Variants in FRG1 observed in about 807,000 individuals in gnomAD.
FRG1 encodes the protein protein FRG1.
Under a neutral mutation model 37.0 loss-of-function variants are expected in FRG1, and 19 were observed. The ratio of observed to expected loss-of-function variants is 0.51; its 90% CI spans 0.36 to 0.75. The LOEUF (loss-of-function observed/expected upper bound fraction) is 0.75. Among genes scored for constraint, FRG1 ranks in the 30% least tolerant of loss-of-function variants. The probability of loss-of-function intolerance (pLI) is 0.00; values close to 1 mark genes in which losing one functional copy is unlikely to be tolerated. For synonymous variants in FRG1, 73 were observed against 96.5 expected (o/e 0.76, Z 1.43); for missense variants, 243 against 301.4 (o/e 0.81, Z 1.44).
intron 5 of FRG1, among the ~76,000 whole-genome samples, chr4:189,956,778 A>G (rs558044000): frequency 1.3e-5 from 2 of 152,386 alleles, no homozygotes; most frequent in African/African-American, 4.8e-5. Context: ...AATAAACATT[A>G]TATTTGTTAA....
chr4:189,943,515 A>G (rs1343197257), intron 2 of FRG1, among the ~76,000 whole-genome samples: 2 of 152,230 alleles, frequency 1.3e-5, no homozygotes, highest in African/African-American at 4.8e-5. Flanking sequence ...AGACTGCTTA[A>G]TAGCCAGAGA....
chr4:189,952,187 T>C lies in FRG1; in HGVS notation c.159T>C (p.Phe53=), dbSNP rs769875220. ...IVGIWWTVTN[F]GEISGTIAIE... ...GAATCTGGTGGACAGTAACAAACTT[T>C]GGTGAAATTTCAGGAACCATAGCCA... Residue 53 remains phenylalanine (F), a synonymous_variant, in exon 3 of 9, where the codon TTT becomes TTC. Transcript: ENST00000226798. 4.4e-6 allele frequency: 7 copies of C among 1,598,424 alleles called. No individual in the cohort carries two copies. In the East Asian group the frequency reaches 9.0e-5, roughly 20 times the overall value.
chr4:189,954,609 T>A (rs1478570054), intron 4 of FRG1, among the ~76,000 whole-genome samples: 3 of 149,034 alleles, frequency 2.0e-5, no homozygotes, highest in South Asian at 2.2e-4. Context: ...TTTTTTTTTT[T>A]AAAGGCACAG....
At chr4:189,951,484 C>T (rs1262004352) in intron 2 of FRG1, among the ~76,000 whole-genome samples, 4 of 120,716 alleles carry the variant, frequency 3.3e-5, no homozygotes, top group South Asian at 2.7e-4. Context: ...AGCGAGTCTC[C>T]GTCTCAAAAA....
intron 6 of FRG1, among the ~76,000 whole-genome samples, chr4:189,960,120 G>C (rs1276987474): frequency 6.6e-6 from 1 of 152,216 alleles, no homozygotes; most frequent in African/African-American, 2.4e-5. Flanking sequence ...CCTGGAACTG[G>C]ACTCTGGCCA....
At chr4:189,941,902 T>A (rs1367444430) in intron 1 of FRG1, 2 of 437,420 alleles carry the variant, frequency 4.6e-6, no homozygotes, top group Admixed American at 2.5e-5. Context: ...GGTTTTGATA[T>A]TTTTAGGCGA....
intron 2 of FRG1, among the ~76,000 whole-genome samples, chr4:189,946,913 T>C (rs1158653683): frequency 5.3e-5 from 8 of 152,126 alleles, no homozygotes; most frequent in African/African-American, 1.9e-4. Context: ...AGTGCAGTGG[T>C]GCAATCTCGG....
intron 1 of FRG1, among the ~76,000 whole-genome samples, chr4:189,941,333 C>G (rs547562915): frequency 5.3e-5 from 8 of 152,316 alleles, no homozygotes; most frequent in African/African-American, 1.9e-4. Context: ...TTTGGGTCCC[C>G]TGAGGCATCT....
chr4:189,958,235 C>T (rs556895628), intron 6 of FRG1, among the ~76,000 whole-genome samples: 1 of 152,076 alleles, frequency 6.6e-6, no homozygotes, highest in East Asian at 1.9e-4. Flanking sequence ...CAGTCTTTTG[C>T]TCTTATAAAC....
chr4:189,962,858 A>G (rs1331648844), intron 8 of FRG1, among the ~76,000 whole-genome samples: 1 of 152,184 alleles, frequency 6.6e-6, no homozygotes, highest in East Asian at 1.9e-4. Flanking sequence ...TAAAATTGCT[A>G]TTTGGATTGA....
At chr4:189,961,039 C>G (rs1737206383) in intron 7 of FRG1, 200 bp downstream of exon 7, 1 of 549,424 alleles carries the variant, frequency 1.8e-6, no homozygotes, top group South Asian at 2.4e-5. Flanking sequence ...GCCTTCCAGC[C>G]TGGGTGGCAG....
At position 189,963,116 on chromosome 4, in the gene FRG1, G is replaced by C; in HGVS notation, c.764G>C (p.Arg255Thr). 1 of 1,612,018 alleles carries C rather than the reference G, an allele frequency of 6.2e-7. No homozygotes were observed. Among genetic ancestry groups the C allele is most frequent in the Non-Finnish European group, 8.5e-7 (1 of 1,178,812 alleles). ...LDRRAKLKAD[R>T]YCK Reference sequence around the variant, plus strand: ...AGGAGAGCCAAATTGAAAGCCGACAGATACTGCAAGTGACTGGGATTTTTG... The same window carrying C: ...AGGAGAGCCAAATTGAAAGCCGACACATACTGCAAGTGACTGGGATTTTTG... Residue 255 changes from arginine to threonine, a missense_variant, in exon 9 of 9, where the codon AGA becomes ACA. Arg to Thr is a moderately conservative substitution (Grantham distance 71, BLOSUM62 -1). This residue lies in a region of FRG1 where 133 missense variants were observed against 199.3 expected (regional missense o/e 0.67). Coordinates refer to ENST00000226798, the MANE Select transcript of FRG1 (RefSeq NM_004477.3).
chr4:189,959,331 T>C (rs1450279767), intron 6 of FRG1, among the ~76,000 whole-genome samples: 1 of 152,174 alleles, frequency 6.6e-6, no homozygotes, highest in Non-Finnish European at 1.5e-5. Flanking sequence ...ATAATGCCCC[T>C]GTGAGGTGGA....
At chr4:189,948,036 C>T (rs1044860) in intron 2 of FRG1, among the ~76,000 whole-genome samples, 29 of 152,262 alleles carry the variant, frequency 1.9e-4, no homozygotes, top group Non-Finnish European at 2.9e-5. Flanking sequence ...TCAGTTTTCT[C>T]GTTGGTCATG....
rs112025595 is a variant in FRG1 at position 189,955,056 on chromosome 4, T to C, written c.337T>C (p.Tyr113His). Reference sequence around the variant, plus strand: ...GTACAGAATCGCCCTGAAGTCTGGCTATGGAAAATATCTTGGTATAAATTC... The same window carrying C: ...GTACAGAATCGCCCTGAAGTCTGGCCATGGAAAATATCTTGGTATAAATTC... ...SDSRIALKSG[Y>H]GKYLGINSDG... Residue 113 changes from tyrosine (Y) to histidine (H), a missense_variant, in exon 5 of 9, where the codon TAT becomes CAT. Around this residue, in one of 2 missense-constraint regions of FRG1, gnomAD observed 133 missense variants for 199.3 expected, o/e 0.67. Coordinates refer to ENST00000226798, the MANE Select transcript of FRG1 (RefSeq NM_004477.3). 4 of 1,611,808 alleles carry C rather than the reference T, an allele frequency of 2.5e-6. No homozygotes were observed. The highest frequency in any genetic ancestry group is 3.4e-6 in the Non-Finnish European group (4 of 1,177,962).
chr4:189,958,032 C>A (rs1737062307), intron 6 of FRG1, among the ~76,000 whole-genome samples: 1 of 151,744 alleles, frequency 6.6e-6, no homozygotes, highest in African/African-American at 2.4e-5. Context: ...CCTCTATAGT[C>A]TAGACTTCAA....
At position 189,941,013 on chromosome 4, in the gene FRG1, G is replaced by A. The variant is rs137907801; in HGVS notation, c.4G>A (p.Ala2Thr). 6.2e-7 allele frequency: 1 copy of A among 1,613,864 alleles called. No homozygotes were observed. Among genetic ancestry groups the A allele is most frequent in the Non-Finnish European group, 8.5e-7 (1 of 1,179,798 alleles). M[A>T]EYSYVKSTKL... ...CGCGCAGAAGTTTCCCGGAGCCATG[G>A]CCGAGTACTCCTACGTGAAGTCTAC... The change falls in exon 1 of 9, where the codon GCC becomes ACC. Residue 2 changes from alanine (A) to threonine (T), a missense_variant. Ala to Thr is a moderately conservative substitution (Grantham distance 58, BLOSUM62 0). Around this residue, in one of 2 missense-constraint regions of FRG1, gnomAD observed 110 missense variants for 102.2 expected, o/e 1.08. Coordinates refer to ENST00000226798, the MANE Select transcript of FRG1 (RefSeq NM_004477.3).
intron 2 of FRG1, among the ~76,000 whole-genome samples, chr4:189,951,578 A>G (rs1420036034): frequency 3.9e-5 from 6 of 152,140 alleles, no homozygotes; most frequent in African/African-American, 1.4e-4. Context: ...GGCTCTGGAA[A>G]GCAGGCATGA....
At chr4:189,944,449 A>T (rs1468100871) in intron 2 of FRG1, among the ~76,000 whole-genome samples, 1 of 151,616 alleles carries the variant, frequency 6.6e-6, no homozygotes, top group Middle Eastern at 3.2e-3. Context: ...TTTTATGGTT[A>T]CTGTCTTATG....
Sources: allele counts gnomAD v4.1 joint callset (sites outside exome capture counted in the v4.1 genomes callset), GRCh38; gene constraint gnomAD v4.1.1; regional missense constraint gnomAD v4.1.1; transcripts MANE v1.5; gene names NCBI Gene and HGNC (gene_info 2026-07-23, HGNC 2026-07-21).